Variants in EPB41L2 observed in about 807,000 individuals in gnomAD.
EPB41L2 encodes erythrocyte membrane protein band 4.1 like 2.
A neutral mutation model predicts 113.0 loss-of-function variants in EPB41L2; 43 were observed. The ratio of observed to expected loss-of-function variants is 0.38; its 90% CI spans 0.30 to 0.49. The LOEUF is 0.49. Ranked by LOEUF, EPB41L2 falls within the 20% of genes least tolerant of loss-of-function variation. The pLI is 0.95. For missense variants in EPB41L2, 1,147 were observed against 1,223.4 expected, an observed-to-expected ratio of 0.94 and a Z score of 0.93; for synonymous variants, 442 against 436.7, an observed-to-expected ratio of 1.01 and a Z score of -0.15.
chr6:130,930,502 T>C (rs1010862286), intron 3 of EPB41L2, among the ~76,000 whole-genome samples: 6 of 152,188 alleles, frequency 3.9e-5, no homozygotes, highest in African/African-American at 1.4e-4. Context: ...ATACAAAATA[T>C]TTCTGGTCCC....
Position 130,876,650 on chromosome 6 carries a change from G to A in EPB41L2, c.2043+1454C>T, listed in dbSNP as rs1017105624. The A allele has an allele frequency of 1.0e-5, 13 of 1,271,074 alleles. No individual in the cohort carries two copies. The African/African-American group carries it at 2.0e-4, about 20-fold the overall frequency. The allele number at this position is 1,271,074 out of a possible 1,614,324, so 78.7% of individuals were successfully genotyped here. A position where few individuals can be genotyped will look rare whatever the true frequency, so the allele number is the denominator to read the frequency against. Reference sequence around the variant, plus strand: ...AGGAAAGGGGGAAAAAGCAAGAGTAGATCCAAGGGTGCAAGGTGAACACCT... The same window carrying A: ...AGGAAAGGGGGAAAAAGCAAGAGTAAATCCAAGGGTGCAAGGTGAACACCT... On this transcript the variant is annotated intron_variant, in intron 14 of 19. Transcript: ENST00000337057.
Position 131,018,143 on chromosome 6 carries a change from TAC to T in EPB41L2, c.-15+45010_-15+45011del, listed in dbSNP as rs201294081. On this transcript the variant is annotated intron_variant, in intron 1 of 19. Coordinates refer to ENST00000337057, the MANE Select transcript of EPB41L2 (RefSeq NM_001431.4). The stretch of plus-strand genomic sequence containing the variant: ...AGGAGTAAGCAAGCCATGGCTGTTG[TAC>T]ACAGTCAAGGATGTCATCAAGAAAC... Among the ~76,000 whole-genome samples the T allele has an allele frequency of 2.6e-5, 4 of 152,292 alleles. No homozygotes were observed. The East Asian group carries it at 7.7e-4, about 29-fold the overall frequency.
chr6:131,060,014 T>C (rs538342998), intron 1 of EPB41L2, among the ~76,000 whole-genome samples: 2 of 152,364 alleles, frequency 1.3e-5, no homozygotes, highest in East Asian at 3.9e-4. Context: ...ATAAACTGTT[T>C]ATTTGCCTTA....
At chr6:131,047,613 C>T (rs960736315) in intron 1 of EPB41L2, among the ~76,000 whole-genome samples, 1 of 152,184 alleles carries the variant, frequency 6.6e-6, no homozygotes, top group Admixed American at 6.5e-5. Flanking sequence ...ACAATTTACA[C>T]AACGATTTCT....
chr6:131,055,154 C>A (rs1431891898), intron 1 of EPB41L2, among the ~76,000 whole-genome samples: 1 of 152,132 alleles, frequency 6.6e-6, no homozygotes, highest in African/African-American at 2.4e-5. Context: ...AAGAAGGGAG[C>A]TAGGGCACTG....
chr6:130,874,383 A>C (rs1378854555), intron 14 of EPB41L2, among the ~76,000 whole-genome samples: 1 of 152,088 alleles, frequency 6.6e-6, no homozygotes, highest in Non-Finnish European at 1.5e-5. Context: ...TTTTACTTTC[A>C]ATAAGAATTA....
chr6:130,925,921 T>C (rs907178182), intron 4 of EPB41L2, among the ~76,000 whole-genome samples: 1 of 152,338 alleles, frequency 6.6e-6, no homozygotes, highest in African/African-American at 2.4e-5. Context: ...CTAAGCAAGT[T>C]GAGAAAACTT....
intron 18 of EPB41L2, among the ~76,000 whole-genome samples, chr6:130,862,034 G>C (rs1030582045): frequency 6.6e-6 from 1 of 152,172 alleles, no homozygotes; most frequent in Non-Finnish European, 1.5e-5. Context: ...AGTTAAGGCT[G>C]CTGGGTCATC....
intron 4 of EPB41L2, among the ~76,000 whole-genome samples, chr6:130,912,026 C>T (rs916181330): frequency 5.9e-5 from 9 of 152,146 alleles, no homozygotes; most frequent in African/African-American, 1.9e-4. Context: ...GATCACCACC[C>T]GCGTTAGATT....
intron 1 of EPB41L2, among the ~76,000 whole-genome samples, chr6:130,966,196 T>G (rs1775130014): frequency 1.3e-5 from 2 of 152,172 alleles, no homozygotes; most frequent in African/African-American, 4.8e-5. Flanking sequence ...TGTAAAATAA[T>G]TATGTAAAGG....
At chr6:130,995,277 G>A (rs1356505399) in intron 1 of EPB41L2, among the ~76,000 whole-genome samples, 1 of 152,304 alleles carries the variant, frequency 6.6e-6, no homozygotes. Flanking sequence ...GGAGCTTGCA[G>A]TGAGCCGAGA....
At chr6:130,961,913 A>C (rs1319586686) in intron 1 of EPB41L2, among the ~76,000 whole-genome samples, 2 of 152,236 alleles carry the variant, frequency 1.3e-5, no homozygotes, top group Non-Finnish European at 2.9e-5. Flanking sequence ...TTGAGAAAAC[A>C]ACAAAACTTT....
intron 1 of EPB41L2, among the ~76,000 whole-genome samples, chr6:131,047,990 T>C (rs1342812278): frequency 6.6e-6 from 1 of 151,596 alleles, no homozygotes; most frequent in Non-Finnish European, 1.5e-5. Context: ...AATACAAAAA[T>C]AAGCCAGGCA....
intron 10 of EPB41L2, among the ~76,000 whole-genome samples, chr6:130,891,428 T>TTTAC (rs34546609): frequency 0.092 from 13,816 of 149,402 alleles, 1,234 homozygotes; most frequent in East Asian, 0.26. Context: ...TATTTATTTA[T>TTTAC]TTACTTACTT....
At chr6:130,849,148 AC>A (rs1455031570) in intron 19 of EPB41L2, among the ~76,000 whole-genome samples, 3 of 152,280 alleles carry the variant, frequency 2.0e-5, no homozygotes, top group Non-Finnish European at 4.4e-5. Flanking sequence ...CACTGTGGTG[AC>A]CTAGAGAGCT....
intron 3 of EPB41L2, among the ~76,000 whole-genome samples, chr6:130,950,113 C>G (rs568364374): frequency 6.6e-6 from 1 of 152,078 alleles, no homozygotes; most frequent in Non-Finnish European, 1.5e-5. Flanking sequence ...CAAGGGTCAA[C>G]TGTATTTCAA....
chr6:130,948,220 T>C (rs1813598953), intron 3 of EPB41L2, among the ~76,000 whole-genome samples: 1 of 152,188 alleles, frequency 6.6e-6, no homozygotes, highest in African/African-American at 2.4e-5. Context: ...ATTTAAATCT[T>C]GGTGAATTAG....
At chr6:131,021,130 C>T (rs1327506837) in intron 1 of EPB41L2, among the ~76,000 whole-genome samples, 1 of 152,132 alleles carries the variant, frequency 6.6e-6, no homozygotes, top group Non-Finnish European at 1.5e-5. Flanking sequence ...CTGACCTCTC[C>T]CTTTCTTATC....
At chr6:131,010,804 A>C (rs1786751960) in intron 1 of EPB41L2, among the ~76,000 whole-genome samples, 1 of 152,150 alleles carries the variant, frequency 6.6e-6, no homozygotes, top group Non-Finnish European at 1.5e-5. Flanking sequence ...AGCTTGGAGC[A>C]ACCTCAGGTG....
Sources: gnomAD v4.1 joint callset for allele counts (sites outside exome capture counted in the v4.1 genomes callset) on GRCh38, gnomAD v4.1.1 for gene constraint, MANE v1.5 for transcripts, NCBI Gene and HGNC (gene_info 2026-07-23, HGNC 2026-07-21) for gene names.